ARIH2: variants seen among roughly 807,000 people sequenced by gnomAD.
ARIH2 encodes E3 ubiquitin-protein ligase ARIH2.
In ARIH2, 12 loss-of-function variants were observed where a neutral mutation model predicts 79.8. That is an observed-to-expected ratio of 0.15 (90% confidence interval 0.10 to 0.24). The LOEUF (loss-of-function observed/expected upper bound fraction) is 0.24. Ranked by LOEUF, ARIH2 falls within the 10% of genes least tolerant of loss-of-function variation. ARIH2 has a pLI of 1.00. For synonymous variants in ARIH2, 224 were observed against 213.9 expected, an observed-to-expected ratio of 1.05 and a Z score of -0.41; for missense variants, 301 against 618.3, an observed-to-expected ratio of 0.49 and a Z score of 5.44.
intron 4 of ARIH2, among the ~76,000 whole-genome samples, chr3:48,962,130 A>G (rs2091334706): frequency 6.6e-6 from 1 of 152,162 alleles, no homozygotes; most frequent in Non-Finnish European, 1.5e-5. Flanking sequence ...TAATCTCAGC[A>G]CTTTGGGAGG....
In ARIH2 at chr3:48,918,905, C is replaced by T. The variant is rs1474686406; in HGVS notation, c.-255C>T. 2 of 1,602,000 alleles carry T rather than the reference C, an allele frequency of 1.2e-6. No homozygotes were observed. The highest frequency in any genetic ancestry group is 1.7e-6 in the Non-Finnish European group (2 of 1,177,348). On this transcript the variant is annotated 5_prime_UTR_variant, in exon 1 of 16. Coordinates refer to ENST00000356401, the MANE Select transcript of ARIH2 (RefSeq NM_006321.4). ...GGCTTGACCGGCGTCGGCCCGCCGCCTCCGCTGCCGCTTCGCCCCAATCCG... is the reference window on the plus strand; with the variant it reads ...GGCTTGACCGGCGTCGGCCCGCCGCTTCCGCTGCCGCTTCGCCCCAATCCG...
intron 11 of ARIH2, 77 bp from the exon 12 acceptor site, chr3:48,979,405 C>T (rs573744011): frequency 6.6e-7 from 1 of 1,516,946 alleles, no homozygotes; most frequent in Admixed American, 1.9e-5. Flanking sequence ...CAGGGTCTGT[C>T]TGTCTCACTC....
intron 3 of ARIH2, among the ~76,000 whole-genome samples, chr3:48,956,758 G>A (rs2090636198): frequency 6.6e-6 from 1 of 151,500 alleles, no homozygotes; most frequent in Non-Finnish European, 1.5e-5. Context: ...GAGTGCAGTG[G>A]CACGATCTCG....
rs753160014 is a variant in ARIH2, at chr3:48,927,522, A to G, written c.-37A>G. On this transcript the variant is annotated 5_prime_UTR_variant, in exon 3 of 16. Coordinates refer to ENST00000356401, the MANE Select transcript of ARIH2 (RefSeq NM_006321.4). ...GTTTTGGGGGGAGGGGGAAAAAGCAACTGCTTTCCTGATCTGCAACTTGGC... is the reference window on the plus strand; with the variant it reads ...GTTTTGGGGGGAGGGGGAAAAAGCAGCTGCTTTCCTGATCTGCAACTTGGC... The G allele has an allele frequency of 6.3e-7, 1 of 1,595,864 alleles. No homozygotes were observed. Among genetic ancestry groups the G allele is most frequent in the Non-Finnish European group, 8.5e-7 (1 of 1,172,348 alleles).
rs761068678 is a variant in ARIH2 at position 48,927,779 on chromosome 3, A to G, written c.221A>G (p.Asn74Ser). 4.3e-6 allele frequency: 7 copies of G among 1,614,208 alleles called. No individual in the cohort carries two copies. Among genetic ancestry groups the G allele is most frequent in the South Asian group, 3.3e-5 (3 of 91,078 alleles). ...LTYKESEGALNEHMTSLASVL... is the reference protein window; with the variant it reads ...LTYKESEGALSEHMTSLASVL... ...TACAAGGAATCTGAGGGTGCCCTCA[A>G]TGAGCACATGACCAGCTTAGCTTCT... The change falls in exon 3 of 16, where the codon AAT becomes AGT. Residue 74 changes from asparagine (N) to serine (S), a missense_variant. Asn to Ser is a conservative substitution (Grantham distance 46). Coordinates refer to ENST00000356401, the MANE Select transcript of ARIH2 (RefSeq NM_006321.4).
At chr3:48,975,184 C>A in intron 11 of ARIH2, 1 of 737,754 alleles carries the variant, frequency 1.4e-6, no homozygotes, top group Non-Finnish European at 2.2e-6. Context: ...TGCTATCTTG[C>A]TAACACATAT....
chr3:48,959,739 G>A (rs940475737), intron 3 of ARIH2, among the ~76,000 whole-genome samples: 1 of 149,862 alleles, frequency 6.7e-6, no homozygotes, highest in Non-Finnish European at 1.5e-5. Context: ...GGAAAATAGA[G>A]ACCCCCATCC....
At chr3:48,958,196 T>C (rs2090831098) in intron 3 of ARIH2, among the ~76,000 whole-genome samples, 1 of 152,100 alleles carries the variant, frequency 6.6e-6, no homozygotes, top group Non-Finnish European at 1.5e-5. Context: ...TGGTGTGGGC[T>C]TGTAGTCTTA....
intron 3 of ARIH2, among the ~76,000 whole-genome samples, chr3:48,937,313 T>A (rs905324045): frequency 6.6e-6 from 1 of 152,136 alleles, no homozygotes; most frequent in Non-Finnish European, 1.5e-5. Context: ...TCTAATGCCA[T>A]CAAGCTTGGT....
At chr3:48,961,865 T>C (rs534794366) in intron 4 of ARIH2, among the ~76,000 whole-genome samples, 186 bp downstream of exon 4, 2 of 152,348 alleles carry the variant, frequency 1.3e-5, no homozygotes, top group East Asian at 1.9e-4. Context: ...CTTCAGTATA[T>C]TCTTCTACCC....
chr3:48,964,067 G>A (rs991321189), intron 4 of ARIH2, among the ~76,000 whole-genome samples: 3 of 151,356 alleles, frequency 2.0e-5, no homozygotes, highest in Non-Finnish European at 2.9e-5. Flanking sequence ...GTCTTGCTCT[G>A]TCTCCCAGGC....
At chr3:48,939,308 T>C (rs2087676893) in intron 3 of ARIH2, among the ~76,000 whole-genome samples, 2 of 152,102 alleles carry the variant, frequency 1.3e-5, no homozygotes, top group South Asian at 4.2e-4. Flanking sequence ...ATAGGACCCT[T>C]AGAGTGTGAG....
At position 48,986,041 on chromosome 3, in the gene ARIH2, T is replaced by A. The variant is rs2107732217; in HGVS notation, c.*2771T>A. On this transcript the variant is annotated 3_prime_UTR_variant, in exon 16 of 16. Coordinates refer to ENST00000356401, the MANE Select transcript of ARIH2 (RefSeq NM_006321.4). The stretch of plus-strand genomic sequence containing the variant: ...GACAGGAAATGAGGTTTGGATTGAT[T>A]AAGGGGGTCCACATTTGTGGTGTCA... 6.6e-6 allele frequency: 1 copy of A among 152,260 alleles called. No individual in the cohort carries two copies. Among genetic ancestry groups the A allele is most frequent in the African/African-American group, 2.4e-5 (1 of 41,514 alleles). The allele number at this position is 152,260 out of a possible 1,614,324, so 9.4% of individuals were successfully genotyped here.
At chr3:48,959,731 A>G (rs907588593) in intron 3 of ARIH2, among the ~76,000 whole-genome samples, 1 of 151,858 alleles carries the variant, frequency 6.6e-6, no homozygotes, top group Non-Finnish European at 1.5e-5. Context: ...CCTTGGAAGG[A>G]AAATAGAGAC....
At chr3:48,968,474 G>A (rs564282503) in intron 6 of ARIH2, 60 bp from the exon 7 acceptor site, 3 of 1,553,498 alleles carry the variant, frequency 1.9e-6, no homozygotes, top group Non-Finnish European at 2.6e-6. Context: ...CTCCCAAAGT[G>A]CTGGGATTAC....
Position 48,973,762 on chromosome 3 carries a change from G to A in ARIH2, c.834G>A (p.Thr278=), listed in dbSNP as rs758622624. ...GTGCCACAATCCGGAAATGGCTCACGAAGTGTGCAGACGACTCTGAAACAG... is the reference window on the plus strand; with the variant it reads ...GTGCCACAATCCGGAAATGGCTCACAAAGTGTGCAGACGACTCTGAAACAG... ...TDCATIRKWL[T]KCADDSETAN... is the part of the protein sequence containing the mutation. Residue 278 remains threonine (T), a synonymous_variant, in exon 9 of 16, where the codon ACG becomes ACA. Coordinates refer to ENST00000356401, the MANE Select transcript of ARIH2 (RefSeq NM_006321.4). 1.3e-5 allele frequency: 21 copies of A among 1,613,966 alleles called. No homozygotes were observed. The highest frequency in any genetic ancestry group is 1.5e-5 in the Non-Finnish European group (18 of 1,180,012).
At chr3:48,952,211 G>A (rs62262466) in intron 3 of ARIH2, among the ~76,000 whole-genome samples, 7,532 of 152,162 alleles carry the variant, frequency 0.049, 253 homozygotes, top group Non-Finnish European at 0.076. Context: ...ATAGAAGTAT[G>A]TTCTTTAATT....
At chr3:48,967,548 G>A (rs577165321) in intron 6 of ARIH2, among the ~76,000 whole-genome samples, 6 of 152,280 alleles carry the variant, frequency 3.9e-5, no homozygotes, top group African/African-American at 1.4e-4. Context: ...CCTTTAAGCT[G>A]CCTACCTTGA....
Position 48,984,056 on chromosome 3 carries a change from G to C in ARIH2, c.*786G>C, listed in dbSNP as rs2092838101. ...CCCACAGCAGAATGGGGTTGGGCCT[G>C]TGGCCCCCCAAACTAGGGGGTGTGG... is the stretch of plus-strand genomic sequence containing the variant. On this transcript the variant is annotated 3_prime_UTR_variant, in exon 16 of 16. Transcript: ENST00000356401. 1 of 152,308 alleles carries C rather than the reference G, an allele frequency of 6.6e-6. No individual in the cohort carries two copies. The highest frequency in any genetic ancestry group is 1.5e-5 in the Non-Finnish European group (1 of 68,054). 9.4% of individuals were successfully genotyped at this position (152,308 alleles called of 1,614,324 possible). A position where few individuals can be genotyped will look rare whatever the true frequency, so the allele number is the denominator to read the frequency against.
Sources: gnomAD v4.1 joint callset for allele counts (sites outside exome capture counted in the v4.1 genomes callset) on GRCh38, gnomAD v4.1.1 for gene constraint, MANE v1.5 for transcripts, NCBI Gene and HGNC (gene_info 2026-07-23, HGNC 2026-07-21) for gene names.